The following KCNH4 variants were observed in gnomAD, a reference collection of about 807,000 sequenced individuals.
KCNH4 encodes the protein voltage-gated delayed rectifier potassium channel KCNH4.
KCNH4 carries 33 observed loss-of-function variants against 90.7 expected under a neutral mutation model. The observed-to-expected ratio is 0.36, with a 90% CI of 0.28 to 0.49. KCNH4 has a LOEUF of 0.49. Among genes scored for constraint, KCNH4 ranks in the 20% least tolerant of loss-of-function variants. The pLI, the probability that KCNH4 is intolerant of heterozygous loss-of-function variation, is 0.98. For missense variants in KCNH4, 1,044 were observed against 1,387.1 expected (o/e 0.75, Z 3.93); for synonymous variants, 551 against 581.7 (o/e 0.95, Z 0.76).
chr17:42,181,021 G>C lies in KCNH4; in HGVS notation c.-76C>G. 1 of 1,384,502 alleles carries C rather than the reference G, an allele frequency of 7.2e-7. No individual in the cohort carries two copies. The highest frequency in any genetic ancestry group is 1.0e-6 in the Non-Finnish European group (1 of 1,000,334). The allele number at this position is 1,384,502 out of a possible 1,614,324, so 85.8% of individuals were successfully genotyped here. A position where few individuals can be genotyped will look rare whatever the true frequency, so the allele number is the denominator to read the frequency against. ...CCGGGCCGGAGGGGGCGCGCTGTCG[G>C]AGGGGCCGGGGCGCCCCATGCGCCC... On this transcript the variant is annotated 5_prime_UTR_variant, in exon 1 of 17. Coordinates refer to ENST00000264661, the MANE Select transcript of KCNH4 (RefSeq NM_012285.3).
intron 6 of KCNH4, among the ~76,000 whole-genome samples, chr17:42,172,205 C>CTT (rs889295948): frequency 2.1e-5 from 3 of 142,352 alleles, no homozygotes; most frequent in African/African-American, 2.6e-5. Flanking sequence ...TTTGTAATTA[C>CTT]TTTTTTTTTT....
At chr17:42,166,592 T>C (rs754524686) in intron 9 of KCNH4, 46 bp from the exon 10 acceptor site, 2 of 1,571,918 alleles carry the variant, frequency 1.3e-6, no homozygotes, top group Non-Finnish European at 1.7e-6. Context: ...CTGCAGCTAC[T>C]ACTTGAGTCT....
chr17:42,175,708 A>G lies in KCNH4; in HGVS notation c.858T>C (p.Tyr286=). 6.2e-7 allele frequency: 1 copy of G among 1,614,106 alleles called. No individual in the cohort carries two copies. The highest frequency in any genetic ancestry group is 8.5e-7 in the Non-Finnish European group (1 of 1,179,982). ...LDIILNFRTT[Y]VSQSGQVISA... Reference sequence around the variant, plus strand: ...AGATTACCTGGCCGGACTGGGACACATAGGTGGTGCGGAAGTTCAGGATGA... The same window carrying G: ...AGATTACCTGGCCGGACTGGGACACGTAGGTGGTGCGGAAGTTCAGGATGA... Residue 286 remains tyrosine (Y), a synonymous_variant, in exon 6 of 17, where the codon TAT becomes TAC. Coordinates refer to ENST00000264661, the MANE Select transcript of KCNH4 (RefSeq NM_012285.3).
rs185379443 is a variant in KCNH4 at position 42,163,033 on chromosome 17, G to C, written c.2584+195C>G. On this transcript the variant is annotated intron_variant, in intron 14 of 16. Transcript: ENST00000264661. This position sits in a 1 kb window ranked among gnomAD's most constrained non-coding sequence, Gnocchi z 5.4. Reference sequence around the variant, plus strand: ...CTGTTCTTGTCTGTCATGGTATTTAGCATCTGGAATTGTTTATCTGTGTAC... The same window carrying C: ...CTGTTCTTGTCTGTCATGGTATTTACCATCTGGAATTGTTTATCTGTGTAC... Among the ~76,000 whole-genome samples, 2 of 152,340 alleles carry C rather than the reference G, an allele frequency of 1.3e-5. No homozygotes were observed. The highest frequency in any genetic ancestry group is 6.5e-5 in the Admixed American group (1 of 15,308).
At position 42,163,975 on chromosome 17, in the gene KCNH4, C is replaced by T. The variant is rs938422429; in HGVS notation, c.2125-17G>A. 2.6e-6 allele frequency: 4 copies of T among 1,519,536 alleles called. No homozygotes were observed. The highest frequency in any genetic ancestry group is 3.5e-6 in the Non-Finnish European group (4 of 1,132,748). The allele number at this position is 1,519,536 out of a possible 1,614,324, so 94.1% of individuals were successfully genotyped here. On this transcript the variant is annotated splice_polypyrimidine_tract_variant and intron_variant, in intron 12 of 16. Coordinates refer to ENST00000264661, the MANE Select transcript of KCNH4 (RefSeq NM_012285.3). The surrounding 1 kb of genome is among the most constrained non-coding windows in gnomAD (Gnocchi z 5.4). ...TGAGCGGGGCTGCGGGCAGAGGGGG[C>T]AGCTGATGTCGCAGGACAGTGAACA...
chr17:42,173,281 T>C (rs1303728847), intron 6 of KCNH4, among the ~76,000 whole-genome samples: 2 of 151,920 alleles, frequency 1.3e-5, no homozygotes, highest in Non-Finnish European at 2.9e-5. Context: ...GGCCCTACAC[T>C]GCTCCTGGAC....
Position 42,165,556 on chromosome 17 carries a change from G to A in KCNH4, c.1978C>T (p.Arg660Ter). The A allele has an allele frequency of 1.9e-6, 3 of 1,614,144 alleles. No individual in the cohort carries two copies. Among genetic ancestry groups the A allele is most frequent in the Non-Finnish European group, 2.5e-6 (3 of 1,180,028 alleles). The change falls in exon 11 of 17, where the codon CGA becomes TGA. Residue 660 changes from arginine (R) to a stop codon, truncating the protein, a stop_gained. Coordinates refer to ENST00000264661, the MANE Select transcript of KCNH4 (RefSeq NM_012285.3). LOFTEE classifies it high-confidence loss of function. ...AGCCTCAGGACCTCAGCCAGCCCTC[G>A]GCTGCTCAGCTGCTGCAGGCCACAG... is the stretch of plus-strand genomic sequence containing the variant. The part of the protein sequence containing the change: ...TYCGLQQLSS[R>*]GLAEVLRLYP...
intron 15 of KCNH4, among the ~76,000 whole-genome samples, chr17:42,161,179 T>A (rs1254637787): frequency 1.3e-5 from 2 of 151,978 alleles, no homozygotes; most frequent in African/African-American, 4.8e-5. Context: ...CCACCCACCT[T>A]AGCCTCCCAA....
rs965522692 is a variant in KCNH4, at chr17:42,164,033, G to A, written c.2125-75C>T. On this transcript the variant is annotated intron_variant, in intron 12 of 16. Transcript: ENST00000264661. ...CCTTCATTAAGTAAGAGCCTTCGCCGGCGGATGCAGCTCCCCATCCATGGA... is the reference window on the plus strand; with the variant it reads ...CCTTCATTAAGTAAGAGCCTTCGCCAGCGGATGCAGCTCCCCATCCATGGA... 23 of 1,500,448 alleles carry A rather than the reference G, an allele frequency of 1.5e-5. No individual in the cohort carries two copies. The Admixed American group carries it at 2.5e-4, about 16-fold the overall frequency. The allele number at this position is 1,500,448 out of a possible 1,614,324, so 92.9% of individuals were successfully genotyped here.
chr17:42,179,002 G>A lies in KCNH4; in HGVS notation c.101C>T (p.Ala34Val), dbSNP rs867014968. Residue 34 changes from alanine to valine, a missense_variant, in exon 2 of 17, where the codon GCA becomes GTA. By Grantham distance (64) the Ala-to-Val change is moderately conservative (BLOSUM62 0). Coordinates refer to ENST00000264661, the MANE Select transcript of KCNH4 (RefSeq NM_012285.3). Reference sequence around the variant, plus strand: ...GATGGGAAAGCCCCGTGTGCCCTGTGCGTTGGCCAGCAGGAAGTTGCTGTC... The same window carrying A: ...GATGGGAAAGCCCCGTGTGCCCTGTACGTTGGCCAGCAGGAAGTTGCTGTC... ...GTHSNFLLAN[A>V]QGTRGFPIVY... 1 of 1,613,606 alleles carries A rather than the reference G, an allele frequency of 6.2e-7. No homozygotes were observed. Among genetic ancestry groups the A allele is most frequent in the Admixed American group, 1.7e-5 (1 of 60,018 alleles).
chr17:42,175,811 T>A, intron 5 of KCNH4, 75 bp from the exon 6 acceptor site: 2 of 1,556,902 alleles, frequency 1.3e-6, no homozygotes, highest in South Asian at 2.3e-5. Flanking sequence ...GGAACAAGCT[T>A]TGGAGACTGG....
rs375704259 is a variant in KCNH4, at chr17:42,175,576, C to T, written c.987+3G>A. ...ACTGGATGGCGGGATGGAGGTCACT[C>T]ACCACGGTGATGTTGAAGATGTAAA... On this transcript the variant is annotated splice_donor_region_variant and intron_variant, in intron 6 of 16. Coordinates refer to ENST00000264661, the MANE Select transcript of KCNH4 (RefSeq NM_012285.3). 8.1e-6 allele frequency: 13 copies of T among 1,614,164 alleles called. No homozygotes were observed. The highest frequency in any genetic ancestry group is 1.7e-4 in the Middle Eastern group (1 of 6,058).
At chr17:42,167,260 C>G (rs886752346) in intron 9 of KCNH4, among the ~76,000 whole-genome samples, 4 of 152,140 alleles carry the variant, frequency 2.6e-5, no homozygotes, top group Non-Finnish European at 4.4e-5. Context: ...TGGGTCCAGA[C>G]CTGATTTCTT....
Position 42,163,722 on chromosome 17 carries a change from A to G in KCNH4, c.2361T>C (p.Ala787=). The G allele has an allele frequency of 6.6e-7, 1 of 1,524,430 alleles. No homozygotes were observed. Among genetic ancestry groups the G allele is most frequent in the Non-Finnish European group, 8.8e-7 (1 of 1,139,110 alleles). The allele number at this position is 1,524,430 out of a possible 1,614,324, so 94.4% of individuals were successfully genotyped here. ...SLSPSLSPAL[A]GQGHSASPHG... is the part of the protein sequence containing the mutation. Reference sequence around the variant, plus strand: ...GAGGGGAGGCACTGTGGCCCTGGCCAGCCAGGGCAGGGGACAGGGATGGGG... The same window carrying G: ...GAGGGGAGGCACTGTGGCCCTGGCCGGCCAGGGCAGGGGACAGGGATGGGG... The change falls in exon 13 of 17, where the codon GCT becomes GCC. Residue 787 remains alanine, a synonymous_variant. Coordinates refer to ENST00000264661, the MANE Select transcript of KCNH4 (RefSeq NM_012285.3). The surrounding 1 kb of genome is among the most constrained non-coding windows in gnomAD (Gnocchi z 5.4).
In KCNH4 at chr17:42,178,438, T is replaced by C. The variant is rs2079878032; in HGVS notation, c.350A>G (p.Lys117Arg). 1 of 1,614,104 alleles carries C rather than the reference T, an allele frequency of 6.2e-7. No individual in the cohort carries two copies. The highest frequency in any genetic ancestry group is 8.5e-7 in the Non-Finnish European group (1 of 1,180,024). Residue 117 changes from lysine to arginine, a missense_variant, in exon 3 of 17, where the codon AAG becomes AGG. By Grantham distance (26) the Lys-to-Arg change is conservative. Coordinates refer to ENST00000264661, the MANE Select transcript of KCNH4 (RefSeq NM_012285.3). ...CAGCACGACCTCCCCCATCTCATTC[T>C]TGATGGGCATCATGTCCAGGAGGCA... ...FWCLLDMMPI[K>R]NEMGEVVLFL...
At chr17:42,166,607 ATG>A (rs1173546591) in intron 9 of KCNH4, 61 bp from the exon 10 acceptor site, 3 of 1,557,462 alleles carry the variant, frequency 1.9e-6, no homozygotes, top group Non-Finnish European at 2.6e-6. Context: ...GAGTCTACAA[ATG>A]TGCTGAGCTG....
rs143838785 is a variant in KCNH4 at position 42,160,372 on chromosome 17, G to A, written c.2722C>T (p.Leu908=). ...SRELRHIMGL[L]QARLGPPGHP... is the part of the protein sequence containing the mutation. ...CCTGGGGGACCCAGCCTGGCCTGCA[G>A]CAGGCCCATGATGTGCCGCAGCTCC... Residue 908 remains leucine (L), a synonymous_variant, in exon 16 of 17, where the codon CTG becomes TTG. Coordinates refer to ENST00000264661, the MANE Select transcript of KCNH4 (RefSeq NM_012285.3). The A allele has an allele frequency of 6.8e-6, 11 of 1,613,828 alleles. No homozygotes were observed. In the African/African-American group the frequency reaches 1.1e-4, roughly 16 times the overall value.
At chr17:42,169,425 AC>A in intron 9 of KCNH4, 51 bp downstream of exon 9, 20 of 1,545,796 alleles carry the variant, frequency 1.3e-5, no homozygotes, top group Non-Finnish European at 1.7e-5. Context: ...TCCCCACCCC[AC>A]TGCAGGGCCA....
chr17:42,162,355 A>G, intron 14 of KCNH4, 34 bp from the exon 15 acceptor site: 1 of 1,582,872 alleles, frequency 6.3e-7, no homozygotes, highest in Non-Finnish European at 8.7e-7. Context: ...GAGTTCATGG[A>G]GCATTAATAC....
Sources: gnomAD v4.1 joint callset for allele counts (sites outside exome capture counted in the v4.1 genomes callset) on GRCh38, gnomAD v4.1.1 for gene constraint, Gnocchi (gnomAD v3.1) non-coding constraint, MANE v1.5 for transcripts, NCBI Gene and HGNC (gene_info 2026-07-23, HGNC 2026-07-21) for gene names.